The following GPR149 variants were observed in gnomAD, a reference collection of about 807,000 sequenced individuals.
GPR149 encodes G protein-coupled receptor 149, also known as probable G protein-coupled receptor 149.
A neutral mutation model predicts 50.2 loss-of-function variants in GPR149; 50 were observed. That is an observed-to-expected ratio of 1.00 (90% CI 0.79 to 1.26). The LOEUF is 1.26. Ranked by LOEUF, GPR149 falls within the 50% of genes most tolerant of loss-of-function variation. The pLI, the probability that GPR149 is intolerant of heterozygous loss-of-function variation, is 0.00. For synonymous variants in GPR149, 405 were observed against 358.2 expected, an observed-to-expected ratio of 1.13 and a Z score of -1.48; for missense variants, 983 against 895.4, an observed-to-expected ratio of 1.10 and a Z score of -1.25.
rs369818929 is a variant in GPR149 at position 154,429,111 on chromosome 3, G to A, written c.505C>T (p.Leu169=). 1.1e-5 allele frequency: 17 copies of A among 1,613,552 alleles called. No homozygotes were observed. Among genetic ancestry groups the A allele is most frequent in the African/African-American group, 5.3e-5 (4 of 74,950 alleles). The change falls in exon 1 of 4, where the codon CTG becomes TTG. Residue 169 remains leucine, a synonymous_variant. Transcript: ENST00000389740. ...CGCACGAAGGCGCCCCAGCCGCACA[G>A]CGGGAGCGCCGAGAGCAGCAGACTG... ...AASLLLSALP[L]CGWGAFVRTP...
intron 3 of GPR149, among the ~76,000 whole-genome samples, chr3:154,412,496 A>G (rs1300193306): frequency 6.6e-6 from 1 of 152,146 alleles, no homozygotes; most frequent in African/African-American, 2.4e-5. Context: ...ATACAAATTA[A>G]TGTTCACAAA....
At chr3:154,369,638 A>G (rs1714616446) in intron 3 of GPR149, among the ~76,000 whole-genome samples, 1 of 152,230 alleles carries the variant, frequency 6.6e-6, no homozygotes, top group Non-Finnish European at 1.5e-5. Flanking sequence ...TGTCCCTTAC[A>G]AGGAGGAGAA....
intron 3 of GPR149, among the ~76,000 whole-genome samples, chr3:154,372,136 G>A (rs534551814): frequency 9.6e-6 from 1 of 104,098 alleles, no homozygotes; most frequent in East Asian, 2.9e-4. Context: ...CTGTCTAGAG[G>A]GGAGACTGAG....
intron 3 of GPR149, chr3:154,353,480 G>T: frequency 1.1e-6 from 1 of 909,522 alleles, no homozygotes; most frequent in Non-Finnish European, 1.9e-6. Context: ...GCACAACATG[G>T]CACAGTTTAG....
intron 3 of GPR149, chr3:154,354,595 T>C (rs1026516343): frequency 5.6e-6 from 1 of 178,480 alleles, no homozygotes; most frequent in Non-Finnish European, 1.2e-5. Context: ...GGCAGGCGGG[T>C]GGGAGGAGGA....
At chr3:154,412,072 C>A (rs961815126) in intron 3 of GPR149, among the ~76,000 whole-genome samples, 1 of 152,052 alleles carries the variant, frequency 6.6e-6, no homozygotes, top group Non-Finnish European at 1.5e-5. Flanking sequence ...TGTAATACAC[C>A]ACATAAACAG....
At chr3:154,354,806 C>A in intron 3 of GPR149, 1 of 631,492 alleles carries the variant, frequency 1.6e-6, no homozygotes, top group Non-Finnish European at 2.3e-6. Flanking sequence ...GCATTACTGG[C>A]CACCACCTCC....
intron 3 of GPR149, among the ~76,000 whole-genome samples, chr3:154,384,148 C>G (rs1230902739): frequency 6.6e-6 from 1 of 152,084 alleles, no homozygotes; most frequent in Non-Finnish European, 1.5e-5. Flanking sequence ...ACTCAGAGTG[C>G]TGAAACTTAA....
At chr3:154,393,266 G>A (rs144347499) in intron 3 of GPR149, among the ~76,000 whole-genome samples, 4 of 152,170 alleles carry the variant, frequency 2.6e-5, no homozygotes, top group African/African-American at 9.6e-5. Flanking sequence ...TGGAAGGCAA[G>A]TATGGTTCAA....
At chr3:154,380,720 TA>T (rs72397744) in intron 3 of GPR149, among the ~76,000 whole-genome samples, 27,462 of 146,740 alleles carry the variant, frequency 0.19, 3,199 homozygotes, top group South Asian at 0.28. Flanking sequence ...GAGTTTTTTT[TA>T]AATGAAAACC....
chr3:154,421,344 CT>C lies in GPR149; in HGVS notation c.1317del (p.Asp440ThrfsTer13), dbSNP rs1712138824. On this transcript the variant is annotated frameshift_variant, in exon 3 of 4. Coordinates refer to ENST00000389740, the MANE Select transcript of GPR149 (RefSeq NM_001038705.3). LOFTEE classifies it high-confidence loss of function. ...ATGTTACGGTTGTCTCTCTGAGGGT[CT>C]TTTGTAGTTTCACACTCAGAGTTCA... ...NLMNSECETT[K>X]DPQRDNRNIF... 1 of 1,613,018 alleles carries C rather than the reference CT, an allele frequency of 6.2e-7. No individual in the cohort carries two copies. The highest frequency in any genetic ancestry group is 8.5e-7 in the Non-Finnish European group (1 of 1,179,424).
chr3:154,394,074 A>T (rs990354576), intron 3 of GPR149, among the ~76,000 whole-genome samples: 6 of 152,130 alleles, frequency 3.9e-5, no homozygotes, highest in Non-Finnish European at 7.4e-5. Flanking sequence ...TCTAAGATTC[A>T]TATGGAATCA....
chr3:154,339,282 G>A (rs563935130), intron 3 of GPR149, among the ~76,000 whole-genome samples: 2 of 152,276 alleles, frequency 1.3e-5, no homozygotes, highest in South Asian at 2.1e-4. Flanking sequence ...ATTTTAACAA[G>A]CCTTTCCGGT....
At chr3:154,414,890 C>T (rs571683837) in intron 3 of GPR149, among the ~76,000 whole-genome samples, 10 of 151,848 alleles carry the variant, frequency 6.6e-5, no homozygotes, top group Middle Eastern at 3.4e-3. Flanking sequence ...AAAACAAGTA[C>T]GATTTATCAT....
At chr3:154,411,059 AC>A in intron 3 of GPR149, among the ~76,000 whole-genome samples, 1 of 152,200 alleles carries the variant, frequency 6.6e-6, no homozygotes, top group Non-Finnish European at 1.5e-5. Context: ...CCATGCAAAT[AC>A]ATGGAAATTA....
At position 154,421,195 on chromosome 3, in the gene GPR149, C is replaced by G; in HGVS notation, c.1467G>C (p.Lys489Asn). 6.2e-7 allele frequency: 1 copy of G among 1,613,424 alleles called. No individual in the cohort carries two copies. The highest frequency in any genetic ancestry group is 8.5e-7 in the Non-Finnish European group (1 of 1,179,590). ...CTCCTGTTTTGTCAGAAAACGCATCCTTTTTGTTGTTGGAATCCTGTTTAG... is the reference window on the plus strand; with the variant it reads ...CTCCTGTTTTGTCAGAAAACGCATCGTTTTTGTTGTTGGAATCCTGTTTAG... ...TEAKQDSNNK[K>N]DAFSDKTGGD... The change falls in exon 3 of 4, where the codon AAG becomes AAC. Residue 489 changes from lysine (K) to asparagine (N), a missense_variant. By Grantham distance (94) the Lys-to-Asn change is moderately conservative (BLOSUM62 0). Coordinates refer to ENST00000389740, the MANE Select transcript of GPR149 (RefSeq NM_001038705.3).
chr3:154,425,326 G>A (rs1712262977), intron 2 of GPR149, among the ~76,000 whole-genome samples: 1 of 151,532 alleles, frequency 6.6e-6, no homozygotes, highest in Non-Finnish European at 1.5e-5. Flanking sequence ...GATGTAAAGA[G>A]AGGGAATCTT....
At chr3:154,407,225 A>G (rs1008388236) in intron 3 of GPR149, among the ~76,000 whole-genome samples, 3 of 152,080 alleles carry the variant, frequency 2.0e-5, no homozygotes, top group African/African-American at 7.2e-5. Context: ...ATGCTTGAAA[A>G]CCTGATCATG....
At position 154,421,502 on chromosome 3, in the gene GPR149, AAAC is replaced by A. The variant is rs1191639361; in HGVS notation, c.1175-18_1175-16del. 6 of 1,429,122 alleles carry A rather than the reference AAAC, an allele frequency of 4.2e-6. No individual in the cohort carries two copies. The highest frequency in any genetic ancestry group is 2.3e-5 in the Admixed American group (1 of 44,416). The allele number at this position is 1,429,122 out of a possible 1,614,324, so 88.5% of individuals were successfully genotyped here. A position where few individuals can be genotyped will look rare whatever the true frequency, so the allele number is the denominator to read the frequency against. On this transcript the variant is annotated splice_polypyrimidine_tract_variant and intron_variant, in intron 2 of 3. Coordinates refer to ENST00000389740, the MANE Select transcript of GPR149 (RefSeq NM_001038705.3). ...TTTTCTCTTGACTGAGTAAAAATAA[AAAC>A]AACAGTTTATGGCTAGTAAGGTAGA...
Sources: gnomAD v4.1 joint callset for allele counts (sites outside exome capture counted in the v4.1 genomes callset) on GRCh38, gnomAD v4.1.1 for gene constraint, MANE v1.5 for transcripts, NCBI Gene and HGNC (gene_info 2026-07-23, HGNC 2026-07-21) for gene names.